RGS6: variants seen among roughly 807,000 people sequenced by gnomAD.
RGS6 encodes the protein regulator of G protein signaling 6, also known as regulator of G-protein signaling 6.
In RGS6, 30 loss-of-function variants were observed where a neutral mutation model predicts 78.5. The observed-to-expected ratio is 0.38, with a 90% CI of 0.29 to 0.52. The LOEUF is 0.52. Ranked by LOEUF, RGS6 falls within the 20% of genes least tolerant of loss-of-function variation. RGS6 has a pLI of 0.85. For synonymous variants in RGS6, 206 were observed against 206.0 expected, an observed-to-expected ratio of 1.00 and a Z score of 0.00; for missense variants, 495 against 609.7, an observed-to-expected ratio of 0.81 and a Z score of 1.98.
the RGS6 span, among the ~76,000 whole-genome samples, chr14:71,904,366 A>C: frequency 1.3e-5 from 2 of 152,254 alleles, no homozygotes; most frequent in Admixed American, 1.3e-4. Context: ...TACTCCAATT[A>C]GAGGTAGCCC....
At chr14:72,077,753 A>G (rs1387727193) in intron 2 of RGS6, among the ~76,000 whole-genome samples, 3 of 152,042 alleles carry the variant, frequency 2.0e-5, no homozygotes, top group African/African-American at 4.8e-5. Flanking sequence ...TTCAATGATT[A>G]TTTTTTCAAA....
At chr14:72,600,196 G>A in the RGS6 span, among the ~76,000 whole-genome samples, 150 of 152,102 alleles carry the variant, frequency 9.9e-4, no homozygotes, top group African/African-American at 3.5e-3. Context: ...CAGCCCCATG[G>A]ACCCTGGGAA....
intron 1 of RGS6, among the ~76,000 whole-genome samples, chr14:71,961,941 T>C (rs1271348691): frequency 6.6e-6 from 1 of 152,234 alleles, no homozygotes; most frequent in Non-Finnish European, 1.5e-5. Flanking sequence ...CCTAGTCCTT[T>C]AATTTCACAA....
chr14:71,877,150 G>A, the RGS6 span, among the ~76,000 whole-genome samples: 1 of 152,136 alleles, frequency 6.6e-6, no homozygotes, highest in South Asian at 2.1e-4. Context: ...ACAATTATGT[G>A]TCTTGGAGTT....
chr14:72,148,628 C>T (rs766529550), intron 2 of RGS6, among the ~76,000 whole-genome samples: 35 of 152,200 alleles, frequency 2.3e-4, no homozygotes, highest in Admixed American at 1.6e-3. Context: ...GTGGAAGAGG[C>T]AGAATCAATA....
intron 2 of RGS6, among the ~76,000 whole-genome samples, chr14:72,020,560 ATTC>A (rs3831617): frequency 6.6e-6 from 1 of 151,736 alleles, no homozygotes; most frequent in African/African-American, 2.4e-5. Context: ...TGCTCTGTGA[ATTC>A]TTCTTCTTCC....
At chr14:72,086,520 G>A (rs2095046127) in intron 2 of RGS6, among the ~76,000 whole-genome samples, 1 of 152,082 alleles carries the variant, frequency 6.6e-6, no homozygotes, top group Admixed American at 6.5e-5. Context: ...CTTTGCTCTT[G>A]CATCTCTCTT....
chr14:72,596,105 C>T, the RGS6 span, among the ~76,000 whole-genome samples: 8 of 152,190 alleles, frequency 5.3e-5, no homozygotes, highest in African/African-American at 1.9e-4. Flanking sequence ...TAAAACAACA[C>T]AAATTTATTA....
At chr14:72,518,251 A>C (rs1220090425) in intron 14 of RGS6, 100 bp from the exon 15 acceptor site, 1 of 1,137,080 alleles carries the variant, frequency 8.8e-7, no homozygotes, top group African/African-American at 1.5e-5. Context: ...TGAGAGATGC[A>C]GCAGAATGGG....
chr14:72,597,628 A>C, the RGS6 span, among the ~76,000 whole-genome samples: 1 of 124,362 alleles, frequency 8.0e-6, no homozygotes, highest in Non-Finnish European at 1.9e-5. Flanking sequence ...GTCCATATTT[A>C]TGGGTTATAT....
chr14:72,146,638 C>G (rs1046399734), intron 2 of RGS6, among the ~76,000 whole-genome samples: 1 of 152,150 alleles, frequency 6.6e-6, no homozygotes, highest in Non-Finnish European at 1.5e-5. Context: ...TAACTAGTCC[C>G]AAGTGAGTTC....
chr14:72,132,941 ATGTGTTCCATTAGATGTTTAAATCAC>A (rs1219334793), intron 2 of RGS6, among the ~76,000 whole-genome samples: 1 of 152,130 alleles, frequency 6.6e-6, no homozygotes, highest in Non-Finnish European at 1.5e-5. Flanking sequence ...ACTAAAGGAA[ATGTGTTCCATTAGATGTTTAAATCAC>A]GGTGGTTTAT....
In RGS6 at chr14:72,466,413, T is replaced by A. The variant is rs142064083; in HGVS notation, c.459+591T>A. On this transcript the variant is annotated intron_variant, in intron 7 of 17. Coordinates refer to ENST00000553525, the MANE Select transcript of RGS6 (RefSeq NM_001204424.2). The stretch of plus-strand genomic sequence containing the variant: ...ACCCTAGAGAAATCAGAACTCATGT[T>A]CACACAAACACCTATAAACTAATGT... 6.4e-3 allele frequency among the ~76,000 whole-genome samples: 975 copies of A among 152,340 alleles called. 3 individuals carry two copies. The highest frequency in any genetic ancestry group is 0.015 in the African/African-American group (605 of 41,578).
chr14:72,350,935 G>A (rs956412396), intron 2 of RGS6, among the ~76,000 whole-genome samples: 2 of 151,966 alleles, frequency 1.3e-5, no homozygotes, highest in Admixed American at 6.6e-5. Flanking sequence ...AGCTATTTAT[G>A]ATGATGATGA....
At position 72,303,802 on chromosome 14, in the gene RGS6, TA is replaced by T. The variant is rs200362056; in HGVS notation, c.85-48288del. On this transcript the variant is annotated intron_variant, in intron 2 of 17. Coordinates refer to ENST00000553525, the MANE Select transcript of RGS6 (RefSeq NM_001204424.2). ...TTAGCATCCATATGCTACTTTCATC[TA>T]AAAAGTAGCATACTCTCCACAGTAT... 6.6e-3 allele frequency among the ~76,000 whole-genome samples: 1,007 copies of T among 152,286 alleles called. 3 individuals are homozygous for T. Among genetic ancestry groups the T allele is most frequent in the Non-Finnish European group, 0.01 (690 of 68,000 alleles).
chr14:71,979,527 T>G (rs2094335943), intron 2 of RGS6, among the ~76,000 whole-genome samples: 1 of 152,104 alleles, frequency 6.6e-6, no homozygotes, highest in South Asian at 2.1e-4. Context: ...ATGTACCCAG[T>G]AGTCATTCAG....
At chr14:72,352,310 G>A in intron 3 of RGS6, 116 bp downstream of exon 3, 1 of 687,954 alleles carries the variant, frequency 1.5e-6, no homozygotes, top group Non-Finnish European at 2.4e-6. Flanking sequence ...GAAACATTCA[G>A]TGTGTTTCTT....
chr14:72,468,826 GTC>G (rs2095996391), intron 7 of RGS6, among the ~76,000 whole-genome samples: 1 of 152,176 alleles, frequency 6.6e-6, no homozygotes, highest in Non-Finnish European at 1.5e-5. Flanking sequence ...CAGTGGAAGA[GTC>G]ACAAAGACAG....
intron 2 of RGS6, among the ~76,000 whole-genome samples, chr14:72,122,310 G>A (rs541239672): frequency 3.9e-5 from 6 of 152,102 alleles, no homozygotes; most frequent in Non-Finnish European, 5.9e-5. Flanking sequence ...ATGTTGCCTC[G>A]ACTCAAGCTC....
Sources: allele counts gnomAD v4.1 joint callset (sites outside exome capture counted in the v4.1 genomes callset), GRCh38; gene constraint gnomAD v4.1.1; transcripts MANE v1.5; gene names NCBI Gene and HGNC (gene_info 2026-07-23, HGNC 2026-07-21).